HTRA1: variants seen among roughly 807,000 people sequenced by gnomAD.
The protein encoded by HTRA1 is HtrA serine peptidase 1.
In HTRA1, 26 loss-of-function variants were observed where a neutral mutation model predicts 49.7. That is an observed-to-expected ratio of 0.52 (90% confidence interval 0.38 to 0.73). The LOEUF (loss-of-function observed/expected upper bound fraction) is 0.73. HTRA1 is among the 30% of genes least tolerant of loss of function. HTRA1 has a pLI of 0.00. For missense variants in HTRA1, 561 were observed against 667.2 expected (o/e 0.84, Z 1.75); for synonymous variants, 291 against 286.9 (o/e 1.01, Z -0.14).
At chr10:122,505,843 C>T (rs929682801) in intron 3 of HTRA1, among the ~76,000 whole-genome samples, 14 of 152,216 alleles carry the variant, frequency 9.2e-5, no homozygotes, top group South Asian at 8.3e-4. Context: ...GAAAGGGCCC[C>T]GATGCCTTCC....
At position 122,490,076 on chromosome 10, in the gene HTRA1, C is replaced by T. The variant is rs1435729852; in HGVS notation, c.777+450C>T. On this transcript the variant is annotated intron_variant, in intron 3 of 8. Coordinates refer to ENST00000368984, the MANE Select transcript of HTRA1 (RefSeq NM_002775.5). The surrounding 1 kb of genome is among the most constrained non-coding windows in gnomAD (Gnocchi z 4.2). ...AACAGTTACTTTGAAAACAAACCAG[C>T]TCTCCCAAATTGGGGTTTTGCGGGG... Among the ~76,000 whole-genome samples the T allele has an allele frequency of 2.0e-5, 3 of 152,150 alleles. No individual in the cohort carries two copies. Among genetic ancestry groups the T allele is most frequent in the East Asian group, 1.9e-4 (1 of 5,182 alleles).
chr10:122,462,590 A>G (rs760091113), intron 1 of HTRA1, among the ~76,000 whole-genome samples: 1 of 152,240 alleles, frequency 6.6e-6, no homozygotes, highest in Non-Finnish European at 1.5e-5. Flanking sequence ...CACTGCTTTG[A>G]TCACGGGACC....
At chr10:122,474,363 G>T (rs1408992831) in intron 1 of HTRA1, among the ~76,000 whole-genome samples, 2 of 152,130 alleles carry the variant, frequency 1.3e-5, no homozygotes, top group Non-Finnish European at 2.9e-5. Context: ...CCCCTCGCAT[G>T]GGGGCTGGGT....
At position 122,472,375 on chromosome 10, in the gene HTRA1, T is replaced by TTAC. The variant is rs1446256924; in HGVS notation, c.472+10253_472+10254insCTA. Among the ~76,000 whole-genome samples, 262 of 35,290 alleles carry TTAC rather than the reference T, an allele frequency of 7.4e-3. 1 individual carries two copies. The highest frequency in any genetic ancestry group is 0.013 in the Non-Finnish European group (202 of 15,518). The allele number at this position is 35,290 out of a possible 152,430, so 23.2% of individuals were successfully genotyped here. A position where few individuals can be genotyped will look rare whatever the true frequency, so the allele number is the denominator to read the frequency against. On this transcript the variant is annotated intron_variant, in intron 1 of 8. Coordinates refer to ENST00000368984, the MANE Select transcript of HTRA1 (RefSeq NM_002775.5). The stretch of plus-strand genomic sequence containing the variant: ...AAATATCATTTCTTTATTACTATTA[T>TTAC]TATTATTATTATTATTATTATTATT...
intron 1 of HTRA1, among the ~76,000 whole-genome samples, chr10:122,463,664 G>A (rs1047999146): frequency 6.6e-6 from 1 of 152,222 alleles, no homozygotes; most frequent in Non-Finnish European, 1.5e-5. Flanking sequence ...ACCACACCCA[G>A]CTTCTCATTC....
intron 7 of HTRA1, among the ~76,000 whole-genome samples, chr10:122,511,381 G>T (rs1259840243): frequency 1.3e-5 from 2 of 152,114 alleles, no homozygotes. Flanking sequence ...TGCAAACCAG[G>T]CCAACCACTG....
In HTRA1 at chr10:122,478,851, G is replaced by A. The variant is rs143264255; in HGVS notation, c.473-10051G>A. 4.1e-3 allele frequency among the ~76,000 whole-genome samples: 631 copies of A among 152,326 alleles called. 2 individuals are homozygous for A. Among genetic ancestry groups the A allele is most frequent in the African/African-American group, 0.014 (594 of 41,572 alleles). On this transcript the variant is annotated intron_variant, in intron 1 of 8. Transcript: ENST00000368984. ...GACCTGTGCAGTCACACCTTGCCCC[G>A]TGTTCAGAAGGGTGCTGTGCCTGTT...
intron 1 of HTRA1, among the ~76,000 whole-genome samples, chr10:122,463,256 G>GGACGGGAA (rs2097482371): frequency 6.6e-6 from 1 of 152,238 alleles, no homozygotes; most frequent in Non-Finnish European, 1.5e-5. Context: ...TGGCTTACGT[G>GGACGGGAA]GACGGGAAGA....
chr10:122,465,823 T>C (rs942251131), intron 1 of HTRA1, among the ~76,000 whole-genome samples: 3 of 152,202 alleles, frequency 2.0e-5, no homozygotes, highest in African/African-American at 4.8e-5. Context: ...GATTCCCCCA[T>C]GTCCCAAAAG....
chr10:122,507,627 G>A lies in HTRA1; in HGVS notation c.1005+225G>A, dbSNP rs1008166411. On this transcript the variant is annotated intron_variant, in intron 5 of 8. Transcript: ENST00000368984. ...GGAAAGAGTAAGGCAGGCCGGAGGT[G>A]AGGGTTGGAAATGTTATGCCAGAGA... Among the ~76,000 whole-genome samples the A allele has an allele frequency of 4.6e-5, 7 of 152,176 alleles. No individual in the cohort carries two copies. In the East Asian group the frequency reaches 9.6e-4, roughly 21 times the overall value.
chr10:122,471,789 C>G (rs762130566), intron 1 of HTRA1, among the ~76,000 whole-genome samples: 3 of 152,210 alleles, frequency 2.0e-5, no homozygotes, highest in Non-Finnish European at 4.4e-5. Flanking sequence ...CAGCCGCATC[C>G]TCCTGTTGGA....
At chr10:122,489,363 C>T (rs1173015141) in intron 2 of HTRA1, 59 bp from the exon 3 acceptor site, 16 of 1,410,922 alleles carry the variant, frequency 1.1e-5, no homozygotes, top group South Asian at 4.6e-5. Context: ...TTAATCAATG[C>T]GTTGAAGCGT....
At chr10:122,496,228 C>CTTTTTTTTTT (rs71026021) in intron 3 of HTRA1, among the ~76,000 whole-genome samples, 17 of 75,640 alleles carry the variant, frequency 2.2e-4, no homozygotes, top group African/African-American at 8.1e-4. Context: ...ATTGTGGGTT[C>CTTTTTTTTTT]TTTTTTTTTT....
At chr10:122,472,198 A>G (rs1196961130) in intron 1 of HTRA1, among the ~76,000 whole-genome samples, 4 of 151,346 alleles carry the variant, frequency 2.6e-5, no homozygotes, top group Non-Finnish European at 5.9e-5. Context: ...TTTTTTTTGT[A>G]TCTTTTCTCT....
chr10:122,496,241 T>A (rs1456702774), intron 3 of HTRA1, among the ~76,000 whole-genome samples: 1 of 131,946 alleles, frequency 7.6e-6, no homozygotes, highest in Admixed American at 7.4e-5. Context: ...TTTTTTTTTT[T>A]TTTTTTTTTT....
intron 1 of HTRA1, among the ~76,000 whole-genome samples, chr10:122,478,391 G>T (rs1453651132): frequency 2.7e-4 from 10 of 36,704 alleles, no homozygotes; most frequent in Middle Eastern, 0.019. Flanking sequence ...GAGTTTGACA[G>T]ATTTTTTTTT....
intron 3 of HTRA1, 29 bp downstream of exon 3, chr10:122,489,655 G>T (rs1783798715): frequency 4.4e-6 from 7 of 1,597,038 alleles, no homozygotes; most frequent in Non-Finnish European, 6.0e-6. Flanking sequence ...GCAGAGGTGA[G>T]TTCTCAGATG....
chr10:122,508,032 G>GC (rs1591040708), intron 5 of HTRA1, among the ~76,000 whole-genome samples: 3 of 129,608 alleles, frequency 2.3e-5, no homozygotes, highest in African/African-American at 2.7e-5. Context: ...TATAGGGGCT[G>GC]TCTTTAGCAA....
chr10:122,485,128 C>T (rs1487765789), intron 1 of HTRA1, among the ~76,000 whole-genome samples: 2 of 152,248 alleles, frequency 1.3e-5, no homozygotes. Flanking sequence ...TTTTATTCCT[C>T]ACTCTGAAAT....
Sources: allele counts gnomAD v4.1 joint callset (sites outside exome capture counted in the v4.1 genomes callset), GRCh38; gene constraint gnomAD v4.1.1; non-coding constraint Gnocchi (gnomAD v3.1); transcripts MANE v1.5; gene names NCBI Gene and HGNC (gene_info 2026-07-23, HGNC 2026-07-21).